The following REPS1 variants were observed in gnomAD, a reference collection of about 807,000 sequenced individuals.
REPS1 encodes ralBP1-associated Eps domain-containing protein 1.
REPS1 carries 39 observed loss-of-function variants against 100.9 expected under a neutral mutation model. That is an observed-to-expected ratio of 0.39 (90% CI 0.30 to 0.50). The LOEUF is 0.50. REPS1 is among the 20% of genes least tolerant of loss of function. The pLI, the probability that REPS1 is intolerant of heterozygous loss-of-function variation, is 0.86. For missense variants in REPS1, 821 were observed against 968.5 expected (o/e 0.85, Z 2.02); for synonymous variants, 324 against 340.3 (o/e 0.95, Z 0.53).
rs903238207 is a variant in REPS1 at position 138,944,585 on chromosome 6, G to T, written c.666C>A (p.Ser222=). ...SAGDAVWSGH[S]PPPPQENWVS... is the part of the protein sequence containing the mutation. ...CCCAGTTTTCTTGAGGTGGAGGTGG[G>T]GAATGCCCTGACCACACTGCATCAC... Residue 222 remains serine (S), a synonymous_variant, in exon 5 of 20, where the codon TCC becomes TCA. Transcript: ENST00000450536. 4 of 1,613,842 alleles carry T rather than the reference G, an allele frequency of 2.5e-6. No homozygotes were observed. The Admixed American group carries it at 5.0e-5, about 20-fold the overall frequency.
Position 138,908,857 on chromosome 6 carries a change from G to A in REPS1, c.2068-41C>T, listed in dbSNP as rs1437191374. ...TCCATTAATAATAAGCATTTTTGAA[G>A]ACATTCATAGTTAGCACTTTGCAAC... On this transcript the variant is annotated intron_variant, in intron 17 of 19. Coordinates refer to ENST00000450536, the MANE Select transcript of REPS1 (RefSeq NM_001286611.2). 5.7e-6 allele frequency: 9 copies of A among 1,588,870 alleles called. No individual in the cohort carries two copies. The Admixed American group carries it at 7.2e-5, about 13-fold the overall frequency.
rs1785393295 is a variant in REPS1 at position 138,988,206 on chromosome 6, A to C, written c.-524T>G. The stretch of plus-strand genomic sequence containing the variant: ...CGCCGCTCCGCCTCCCTCCGCCGCC[A>C]TTTACAGTGCCCCGGCCCGGCCCCG... On this transcript the variant is annotated 5_prime_UTR_variant, in exon 1 of 20. An upstream start codon of the reference 5' UTR is lost. Transcript: ENST00000450536. The C allele has an allele frequency of 2.5e-6, 1 of 398,250 alleles. No individual in the cohort carries two copies. The allele number at this position is 398,250 out of a possible 1,614,324, so 24.7% of individuals were successfully genotyped here. A position where few individuals can be genotyped will look rare whatever the true frequency, so the allele number is the denominator to read the frequency against.
intron 6 of REPS1, 75 bp from the exon 7 acceptor site, chr6:138,943,651 A>G (rs2128473629): frequency 8.6e-7 from 1 of 1,157,574 alleles, no homozygotes; most frequent in Non-Finnish European, 1.2e-6. Flanking sequence ...AGAGTCTTAG[A>G]CTTTTTTAAC....
chr6:138,906,429 G>A (rs1223417656), intron 19 of REPS1, among the ~76,000 whole-genome samples: 1 of 152,156 alleles, frequency 6.6e-6, no homozygotes, highest in East Asian at 1.9e-4. Context: ...CCAGTGTCTT[G>A]GCCTAAATGA....
At chr6:138,931,498 C>CGTTATACCTTTATA (rs1402349009) in intron 8 of REPS1, among the ~76,000 whole-genome samples, 1 of 152,144 alleles carries the variant, frequency 6.6e-6, no homozygotes, top group Non-Finnish European at 1.5e-5. Context: ...CTTACCCAGA[C>CGTTATACCTTTATA]GTTATACCTT....
At chr6:138,928,729 C>G (rs144083967) in intron 9 of REPS1, 12 of 152,212 alleles carry the variant, frequency 7.9e-5, no homozygotes, top group African/African-American at 2.6e-4. Context: ...TACAAATATT[C>G]TTTTAATGTA....
intron 8 of REPS1, among the ~76,000 whole-genome samples, chr6:138,939,545 C>T (rs561528952): frequency 1.4e-4 from 21 of 152,232 alleles, no homozygotes; most frequent in East Asian, 3.9e-4. Context: ...ATATAACAGA[C>T]GACAGAATCA....
intron 12 of REPS1, among the ~76,000 whole-genome samples, chr6:138,919,248 T>C (rs992512895): frequency 1.2e-4 from 18 of 152,076 alleles, no homozygotes; most frequent in African/African-American, 4.3e-4. Context: ...ATGTACACAA[T>C]ATAGCCAGAG....
At chr6:138,982,149 T>C (rs1784991092) in intron 1 of REPS1, among the ~76,000 whole-genome samples, 2 of 152,236 alleles carry the variant, frequency 1.3e-5, no homozygotes, top group Admixed American at 1.3e-4. Flanking sequence ...ACCTGAGACT[T>C]ATTAAGTTTA....
intron 1 of REPS1, among the ~76,000 whole-genome samples, chr6:138,986,162 CAAG>C (rs953569750): frequency 3.9e-5 from 6 of 152,096 alleles, no homozygotes; most frequent in African/African-American, 9.7e-5. Context: ...TTTGTAAACA[CAAG>C]AAGAAGAATA....
intron 1 of REPS1, among the ~76,000 whole-genome samples, chr6:138,978,899 G>A (rs1463147007): frequency 6.6e-6 from 1 of 152,002 alleles, no homozygotes; most frequent in Non-Finnish European, 1.5e-5. Flanking sequence ...AACTGAGGAA[G>A]TGGCCGGGCA....
At chr6:138,939,281 GA>G (rs150099197) in intron 8 of REPS1, among the ~76,000 whole-genome samples, 22,513 of 151,978 alleles carry the variant, frequency 0.15, 1,764 homozygotes, top group African/African-American at 0.17. Flanking sequence ...TGTGAGGGGG[GA>G]AAAAACTATC....
intron 1 of REPS1, among the ~76,000 whole-genome samples, chr6:138,953,335 A>G (rs1048728261): frequency 6.6e-6 from 1 of 152,172 alleles, no homozygotes; most frequent in African/African-American, 2.4e-5. Flanking sequence ...AAGCAAAAAT[A>G]AACAAATGGG....
At chr6:138,929,321 A>T (rs1252812495) in intron 9 of REPS1, 1 of 152,172 alleles carries the variant, frequency 6.6e-6, no homozygotes. Flanking sequence ...CCTTATTCTG[A>T]TCAGTGGCCC....
intron 1 of REPS1, among the ~76,000 whole-genome samples, chr6:138,971,064 T>C (rs1429773776): frequency 1.3e-5 from 2 of 152,188 alleles, no homozygotes; most frequent in African/African-American, 4.8e-5. Flanking sequence ...TAAGTTTGGA[T>C]TCACTCCAGA....
chr6:138,921,003 A>C (rs1487016405), intron 11 of REPS1, 34 bp downstream of exon 11: 2 of 1,478,814 alleles, frequency 1.4e-6, no homozygotes, highest in Admixed American at 3.5e-5. Flanking sequence ...GTTTGATGTA[A>C]AACTAAAATA....
chr6:138,964,744 C>A (rs945316511), intron 1 of REPS1, among the ~76,000 whole-genome samples: 2 of 151,394 alleles, frequency 1.3e-5, no homozygotes, highest in Admixed American at 1.3e-4. Flanking sequence ...AAAAAAAAAC[C>A]CTAGAAATGT....
At chr6:138,965,891 A>C (rs556520344) in intron 1 of REPS1, among the ~76,000 whole-genome samples, 1 of 152,290 alleles carries the variant, frequency 6.6e-6, no homozygotes, top group East Asian at 1.9e-4. Flanking sequence ...AATGACTCCT[A>C]ATCAGAAATT....
At chr6:138,978,936 A>C (rs1292376956) in intron 1 of REPS1, among the ~76,000 whole-genome samples, 1 of 152,018 alleles carries the variant, frequency 6.6e-6, no homozygotes, top group African/African-American at 2.4e-5. Flanking sequence ...TAATCCCAGC[A>C]CTTTGGGAGG....
Sources: gnomAD v4.1 joint callset for allele counts (sites outside exome capture counted in the v4.1 genomes callset) on GRCh38, gnomAD v4.1.1 for gene constraint, MANE v1.5 for transcripts, NCBI Gene and HGNC (gene_info 2026-07-23, HGNC 2026-07-21) for gene names.